CPLANE1: variants seen among roughly 807,000 people sequenced by gnomAD.
CPLANE1 encodes ciliogenesis and planar polarity effector complex subunit 1, also known as ciliogenesis and planar polarity effector 1.
CPLANE1 carries 263 observed loss-of-function variants against 362.5 expected under a neutral mutation model. That is an observed-to-expected ratio of 0.73 (90% CI 0.66 to 0.80). The LOEUF (loss-of-function observed/expected upper bound fraction) is 0.80, where lower values mean the gene tolerates loss of function less well. Ranked by LOEUF, CPLANE1 falls within the 30% of genes least tolerant of loss-of-function variation. The pLI, the probability that CPLANE1 is intolerant of heterozygous loss-of-function variation, is 0.00. For missense variants in CPLANE1, 3,461 were observed against 3,793.4 expected (o/e 0.91, Z 2.30); for synonymous variants, 1,212 against 1,302.6 (o/e 0.93, Z 1.50).
At chr5:37,179,315 T>C (rs1276902139) in intron 29 of CPLANE1, 46 bp downstream of exon 29, 10 of 1,214,956 alleles carry the variant, frequency 8.2e-6, no homozygotes, top group South Asian at 6.5e-5. Flanking sequence ...TTAAACACTA[T>C]ACAAAATGAA....
At chr5:37,130,393 T>A (rs556406624) in intron 46 of CPLANE1, 8 of 206,606 alleles carry the variant, frequency 3.9e-5, no homozygotes, top group Non-Finnish European at 6.3e-5. Context: ...GAAATTAATT[T>A]AAAAAAAAAG....
intron 16 of CPLANE1, chr5:37,212,392 T>C: frequency 1.3e-6 from 1 of 799,544 alleles, no homozygotes; most frequent in South Asian, 1.3e-5. Context: ...CCATGTTTGC[T>C]GCCCAGCTTC....
At chr5:37,203,240 T>C (rs928180837) in intron 18 of CPLANE1, among the ~76,000 whole-genome samples, 5 of 152,180 alleles carry the variant, frequency 3.3e-5, no homozygotes, top group Non-Finnish European at 5.9e-5. Flanking sequence ...TCTGCTCCTA[T>C]AGTTTTGTTT....
At chr5:37,201,946 TACAG>T (rs1789310395) in intron 18 of CPLANE1, 138 bp from the exon 19 acceptor site, 1 of 612,458 alleles carries the variant, frequency 1.6e-6, no homozygotes. Context: ...CATCCAAACT[TACAG>T]ACAGAAATTA....
chr5:37,224,678 C>A lies in CPLANE1; in HGVS notation c.2354G>T (p.Arg785Leu). The change falls in exon 13 of 53, where the codon CGA (arginine) becomes CTA (leucine). Residue 785 changes from arginine to leucine, a missense_variant. Transcript: ENST00000651892. ...KTLWYQAQLN[R>L]RVPEADSQLT... is the part of the protein sequence containing the mutation. ...CTGACTATCAGCTTCAGGAACTCTT[C>A]GATTTAATTGTGCTTGATACCATAA... is the stretch of plus-strand genomic sequence containing the variant. The A allele has an allele frequency of 1.3e-6, 2 of 1,551,504 alleles. No homozygotes were observed. The highest frequency in any genetic ancestry group is 4.9e-5 in the East Asian group (2 of 40,840).
chr5:37,179,077 T>A (rs1449930274), intron 29 of CPLANE1, among the ~76,000 whole-genome samples: 1 of 152,212 alleles, frequency 6.6e-6, no homozygotes, highest in African/African-American at 2.4e-5. Context: ...CCATACTTTT[T>A]AAATAAAGGA....
chr5:37,196,427 C>CAGCA (rs1787461324), intron 20 of CPLANE1, among the ~76,000 whole-genome samples: 1 of 152,052 alleles, frequency 6.6e-6, no homozygotes, highest in African/African-American at 2.4e-5. Flanking sequence ...TAGAAAGACA[C>CAGCA]CATTTGGCAG....
the CPLANE1 span, among the ~76,000 whole-genome samples, chr5:37,077,672 G>T: frequency 7.0e-6 from 1 of 142,088 alleles, no homozygotes; most frequent in Non-Finnish European, 1.5e-5. Context: ...GGGGTGAAGT[G>T]GCATGATCAT....
intron 21 of CPLANE1, among the ~76,000 whole-genome samples, chr5:37,193,165 A>G (rs1786142122): frequency 6.7e-6 from 1 of 150,346 alleles, no homozygotes; most frequent in Non-Finnish European, 1.5e-5. Flanking sequence ...CAAGACTCCA[A>G]CTAAAAAAAA....
chr5:37,114,052 C>A (rs1226711004), intron 51 of CPLANE1, among the ~76,000 whole-genome samples: 1 of 152,136 alleles, frequency 6.6e-6, no homozygotes, highest in Non-Finnish European at 1.5e-5. Context: ...GCCTCGTGAT[C>A]CAACCACCAC....
chr5:37,139,380 A>AG lies in CPLANE1; in HGVS notation c.8633-11_8633-10insC, dbSNP rs1442780610. ...TCACTGCTATTCATACCTAAAAAAA[A>AG]AATCATTATTAATAAAAATTTTGGG... On this transcript the variant is annotated splice_polypyrimidine_tract_variant and intron_variant, in intron 44 of 52. Transcript: ENST00000651892. 3.4e-6 allele frequency: 4 copies of AG among 1,176,024 alleles called. No individual in the cohort carries two copies. The highest frequency in any genetic ancestry group is 4.7e-6 in the Non-Finnish European group (4 of 848,902). The allele number at this position is 1,176,024 out of a possible 1,614,324, so 72.8% of individuals were successfully genotyped here.
At chr5:37,125,899 T>C (rs1763999313) in intron 46 of CPLANE1, among the ~76,000 whole-genome samples, 1 of 152,150 alleles carries the variant, frequency 6.6e-6, no homozygotes. Flanking sequence ...TCCACTTCTT[T>C]ATCTATTTAA....
chr5:37,124,902 T>G, intron 47 of CPLANE1: 1 of 1,046,586 alleles, frequency 9.6e-7, no homozygotes, highest in Non-Finnish European at 1.1e-6. Flanking sequence ...ATACACATAG[T>G]TGGTTGTCGC....
chr5:37,157,618 A>C (rs1775502662), intron 40 of CPLANE1, 52 bp downstream of exon 40: 1 of 1,480,938 alleles, frequency 6.8e-7, no homozygotes, highest in African/African-American at 1.4e-5. Flanking sequence ...TAACAATGCT[A>C]TATTAAAGAA....
intron 32 of CPLANE1, among the ~76,000 whole-genome samples, chr5:37,171,996 G>T (rs570248900): frequency 6.6e-6 from 1 of 152,096 alleles, no homozygotes; most frequent in East Asian, 1.9e-4. Flanking sequence ...TGTTTTTGTA[G>T]AGATGAGGTC....
At position 37,211,739 on chromosome 5, in the gene CPLANE1, G is replaced by A. The variant is rs61735015; in HGVS notation, c.2920+1820C>T. ...CCATCCCTCCCTTCTCCAGCCCTCCGGAGCAGAAAGCGGGTCTTTACTGGA... is the reference window on the plus strand; with the variant it reads ...CCATCCCTCCCTTCTCCAGCCCTCCAGAGCAGAAAGCGGGTCTTTACTGGA... On this transcript the variant is annotated intron_variant, in intron 16 of 52. Coordinates refer to ENST00000651892, the MANE Select transcript of CPLANE1 (RefSeq NM_001384732.1). 5.0e-3 allele frequency: 3,890 copies of A among 781,402 alleles called. 110 individuals are homozygous for A. In the African/African-American group the frequency reaches 0.059, roughly 12 times the overall value. 48.4% of individuals were successfully genotyped at this position (781,402 alleles called of 1,614,324 possible). A position where few individuals can be genotyped will look rare whatever the true frequency, so the allele number is the denominator to read the frequency against.
chr5:37,205,422 C>A lies in CPLANE1; in HGVS notation c.3182G>T (p.Arg1061Leu), dbSNP rs1201581872. 1.3e-6 allele frequency: 2 copies of A among 1,547,896 alleles called. No individual in the cohort carries two copies. The highest frequency in any genetic ancestry group is 2.7e-5 in the African/African-American group (2 of 72,886). ...SKKKSLNLPL[R>L]MTPAQIFQEK... ...CTGAAAAATCTGTGCTGGAGTCATA[C>A]GGAGTGGTAGATTCAGACTCTTTTT... Residue 1061 changes from arginine (R) to leucine (L), a missense_variant, in exon 18 of 53, where the codon CGT becomes CTT. By Grantham distance (102) the Arg-to-Leu change is moderately radical (BLOSUM62 -2). Transcript: ENST00000651892.
chr5:37,224,142 G>T, intron 14 of CPLANE1, 111 bp downstream of exon 14: 1 of 659,838 alleles, frequency 1.5e-6, no homozygotes, highest in Non-Finnish European at 2.6e-6. Flanking sequence ...AAGATGTCCT[G>T]CTAATATAAT....
At chr5:37,132,968 T>C (rs1340431209) in intron 46 of CPLANE1, among the ~76,000 whole-genome samples, 1 of 152,200 alleles carries the variant, frequency 6.6e-6, no homozygotes, top group East Asian at 1.9e-4. Context: ...AAGGTAGGGG[T>C]CCAGTTTCAT....
Sources: gnomAD v4.1 joint callset for allele counts (sites outside exome capture counted in the v4.1 genomes callset) on GRCh38, gnomAD v4.1.1 for gene constraint, MANE v1.5 for transcripts, NCBI Gene and HGNC (gene_info 2026-07-23, HGNC 2026-07-21) for gene names.